Variants in GPHN observed in about 807,000 individuals in gnomAD.
The protein encoded by GPHN is gephyrin.
GPHN carries 17 observed loss-of-function variants against 95.5 expected under a neutral mutation model. That is an observed-to-expected ratio of 0.18 (90% CI 0.12 to 0.27). GPHN has a LOEUF of 0.27. Among genes scored for constraint, GPHN ranks in the 10% least tolerant of loss-of-function variants. The pLI is 1.00. For missense variants in GPHN, 660 were observed against 978.1 expected (o/e 0.67, Z 4.34); for synonymous variants, 320 against 322.5 (o/e 0.99, Z 0.08).
Position 66,685,567 on chromosome 14 carries a change from T to A in GPHN, c.143+4382T>A, listed in dbSNP as rs1431380781. Among the ~76,000 whole-genome samples, 4 of 152,348 alleles carry A rather than the reference T, an allele frequency of 2.6e-5. No individual in the cohort carries two copies. In the East Asian group the frequency reaches 7.7e-4, roughly 29 times the overall value. On this transcript the variant is annotated intron_variant, in intron 2 of 22. Coordinates refer to ENST00000478722, the MANE Select transcript of GPHN (RefSeq NM_020806.5). The stretch of plus-strand genomic sequence containing the variant: ...ATGTCTTCTTCTGAGAAGTGTCTGT[T>A]CATATCCTTCACCCACTTTTTGATG...
intron 1 of GPHN, among the ~76,000 whole-genome samples, chr14:66,666,017 C>T (rs564677310): frequency 4.6e-5 from 7 of 151,008 alleles, no homozygotes; most frequent in Middle Eastern, 3.5e-3. Flanking sequence ...AACCAAACAC[C>T]GCATGTTCTC....
At chr14:67,599,951 C>A in the GPHN span, 5 of 1,324,250 alleles carry the variant, frequency 3.8e-6, no homozygotes, top group Admixed American at 2.5e-5. Context: ...CCGGGCTCGA[C>A]CAAAGACCCC....
At chr14:66,764,964 T>C (rs61989617) in intron 2 of GPHN, among the ~76,000 whole-genome samples, 22,899 of 152,176 alleles carry the variant, frequency 0.15, 2,149 homozygotes, top group Non-Finnish European at 0.21. Context: ...TTAGTTGCTT[T>C]AAATGATTTA....
chr14:66,980,109 A>G lies in GPHN; in HGVS notation c.963+14784A>G, dbSNP rs777691572. Among the ~76,000 whole-genome samples, 9 of 152,350 alleles carry G rather than the reference A, an allele frequency of 5.9e-5. No homozygotes were observed. The South Asian group carries it at 1.2e-3, about 21-fold the overall frequency. On this transcript the variant is annotated intron_variant, in intron 9 of 22. Transcript: ENST00000478722. The stretch of plus-strand genomic sequence containing the variant: ...AGACAACCATAACAGATATAATCAT[A>G]GTAAAAAGTTTGAAATATTGTAAGA...
the GPHN span, among the ~76,000 whole-genome samples, chr14:67,322,385 G>C: frequency 2.6e-5 from 4 of 152,008 alleles, no homozygotes; most frequent in Admixed American, 2.6e-4. Flanking sequence ...TAGAAACTTG[G>C]AGTTTTTAAG....
chr14:67,100,222 T>A (rs1218746177), intron 12 of GPHN, among the ~76,000 whole-genome samples: 1 of 152,218 alleles, frequency 6.6e-6, no homozygotes, highest in Non-Finnish European at 1.5e-5. Flanking sequence ...TAGTCCTAGC[T>A]CTACCATTAA....
At chr14:67,064,033 A>G (rs1169199155) in intron 11 of GPHN, among the ~76,000 whole-genome samples, 1 of 152,176 alleles carries the variant, frequency 6.6e-6, no homozygotes, top group Non-Finnish European at 1.5e-5. Flanking sequence ...GAATGCTTCC[A>G]GTTTTTGCCC....
intron 11 of GPHN, among the ~76,000 whole-genome samples, 192 bp from the exon 12 acceptor site, chr14:67,088,791 G>A (rs1281970985): frequency 6.6e-6 from 1 of 152,170 alleles, no homozygotes; most frequent in Non-Finnish European, 1.5e-5. Flanking sequence ...TGAATTGACT[G>A]AGTATAATCT....
At chr14:67,701,583 C>T in the GPHN span, among the ~76,000 whole-genome samples, 1 of 151,944 alleles carries the variant, frequency 6.6e-6, no homozygotes, top group Non-Finnish European at 1.5e-5. Context: ...GCCACCATAC[C>T]TGGCTACTTT....
chr14:67,218,368 T>G, the GPHN span, among the ~76,000 whole-genome samples: 2 of 151,930 alleles, frequency 1.3e-5, no homozygotes, highest in African/African-American at 4.8e-5. Flanking sequence ...GTTTACTGGG[T>G]GGGTGGCCCA....
the GPHN span, among the ~76,000 whole-genome samples, chr14:67,382,908 C>CGTGCGT: frequency 1.0e-4 from 15 of 144,208 alleles, no homozygotes; most frequent in South Asian, 2.8e-3. Flanking sequence ...TGCGTGCGTG[C>CGTGCGT]GTGTGTGTGT....
At chr14:67,637,751 T>A in the GPHN span, among the ~76,000 whole-genome samples, 1 of 152,360 alleles carries the variant, frequency 6.6e-6, no homozygotes. Context: ...AAATTTGTAA[T>A]CCTAGAGCAA....
chr14:66,971,632 G>A (rs2069791205), intron 9 of GPHN, among the ~76,000 whole-genome samples: 1 of 152,024 alleles, frequency 6.6e-6, no homozygotes, highest in South Asian at 2.1e-4. Flanking sequence ...GATGTTCTTT[G>A]ATACCATACC....
chr14:66,928,769 GT>G (rs2066621042), intron 8 of GPHN, among the ~76,000 whole-genome samples: 1 of 152,074 alleles, frequency 6.6e-6, no homozygotes, highest in African/African-American at 2.4e-5. Flanking sequence ...AATGTCTTCA[GT>G]GACCCACTGG....
At chr14:67,395,669 T>A in the GPHN span, 1 of 1,097,544 alleles carries the variant, frequency 9.1e-7, no homozygotes, top group Non-Finnish European at 1.4e-6. Context: ...CCCGGGAGAA[T>A]CTAGGTGACA....
chr14:67,476,462 CTG>C, the GPHN span, among the ~76,000 whole-genome samples: 1 of 152,064 alleles, frequency 6.6e-6, no homozygotes, highest in Non-Finnish European at 1.5e-5. Context: ...TGGCATGCAC[CTG>C]TAGTCTCAGC....
At chr14:67,183,609 G>A (rs2083352612), downstream of GPHN, among the ~76,000 whole-genome samples, 2 of 151,742 alleles carry the variant, frequency 1.3e-5, no homozygotes, top group Admixed American at 1.3e-4. Flanking sequence ...TGTCACCCAG[G>A]CTGGAGTGCA....
intron 2 of GPHN, among the ~76,000 whole-genome samples, chr14:66,681,960 A>G (rs929328084): frequency 3.9e-5 from 6 of 152,198 alleles, no homozygotes; most frequent in Admixed American, 2.6e-4. Flanking sequence ...AATATGTCCT[A>G]ATAGGAAATT....
At chr14:67,340,980 A>T in the GPHN span, among the ~76,000 whole-genome samples, 10 of 152,164 alleles carry the variant, frequency 6.6e-5, no homozygotes, top group African/African-American at 2.2e-4. Flanking sequence ...TCAGTGCTCA[A>T]TGGTGCCCAG....
Sources: gnomAD v4.1 joint callset for allele counts (sites outside exome capture counted in the v4.1 genomes callset) on GRCh38, gnomAD v4.1.1 for gene constraint, MANE v1.5 for transcripts, NCBI Gene and HGNC (gene_info 2026-07-23, HGNC 2026-07-21) for gene names.